The following SLC30A8 variants were observed in gnomAD, a reference collection of about 807,000 sequenced individuals.
The protein encoded by SLC30A8 is solute carrier family 30 member 8.
Under a neutral mutation model 36.9 loss-of-function variants are expected in SLC30A8, and 27 were observed. The observed-to-expected ratio is 0.73, with a 90% CI of 0.54 to 1.01. The LOEUF (loss-of-function observed/expected upper bound fraction) is 1.01. Among genes scored for constraint, SLC30A8 ranks in the 50% least tolerant of loss-of-function variants. The probability of loss-of-function intolerance (pLI) is 0.00; values close to 1 mark genes in which losing one functional copy is unlikely to be tolerated. For synonymous variants in SLC30A8, 164 were observed against 172.4 expected, an observed-to-expected ratio of 0.95 and a Z score of 0.38; for missense variants, 439 against 452.0, an observed-to-expected ratio of 0.97 and a Z score of 0.26.
intron 1 of SLC30A8, among the ~76,000 whole-genome samples, chr8:116,980,922 T>G (rs1313365770): frequency 6.6e-6 from 1 of 152,238 alleles, no homozygotes; most frequent in African/African-American, 2.4e-5. Flanking sequence ...ACAAATTTAT[T>G]TAATGAATGG....
intron 2 of SLC30A8, among the ~76,000 whole-genome samples, chr8:117,106,921 A>G (rs1820019464): frequency 6.6e-6 from 1 of 152,156 alleles, no homozygotes; most frequent in Non-Finnish European, 1.5e-5. Context: ...GCTTTATTGG[A>G]GAAGGAAAAC....
intron 2 of SLC30A8, among the ~76,000 whole-genome samples, chr8:117,092,800 C>T (rs1819188461): frequency 6.6e-6 from 1 of 152,168 alleles, no homozygotes; most frequent in African/African-American, 2.4e-5. Flanking sequence ...GCTGCCTGAG[C>T]AAAACTCCAT....
chr8:116,962,487 C>T (rs934843033), intron 1 of SLC30A8, among the ~76,000 whole-genome samples: 2 of 151,968 alleles, frequency 1.3e-5, no homozygotes, highest in African/African-American at 4.8e-5. Flanking sequence ...CTCCTCAATC[C>T]GTCCCCAAAC....
At chr8:116,985,330 ACAC>A (rs1010601129) in intron 1 of SLC30A8, among the ~76,000 whole-genome samples, 2 of 142,882 alleles carry the variant, frequency 1.4e-5, no homozygotes, top group African/African-American at 2.6e-5. Context: ...ACACACACAC[ACAC>A]AAGTATGTAT....
chr8:116,971,245 G>A (rs1424232084), intron 1 of SLC30A8, among the ~76,000 whole-genome samples: 3 of 151,938 alleles, frequency 2.0e-5, no homozygotes, highest in Non-Finnish European at 4.4e-5. Flanking sequence ...TACATATCCT[G>A]CACATGCATC....
intron 1 of SLC30A8, chr8:117,018,228 A>C (rs1317535122): frequency 1.3e-5 from 2 of 152,024 alleles, no homozygotes; most frequent in Non-Finnish European, 2.9e-5. Flanking sequence ...AGCCTCAGCA[A>C]CGTAGTGAGA....
rs550796778 is a variant in SLC30A8 at position 117,113,356 on chromosome 8, C to T, written c.-225-21924C>T. 2.0e-5 allele frequency among the ~76,000 whole-genome samples: 3 copies of T among 152,208 alleles called. No individual in the cohort carries two copies. The South Asian group carries it at 6.2e-4, about 32-fold the overall frequency. ...AATGGAATGGAAGCAAGTCATTTTTCCATGTTATGACTCAATGTATTATCT... is the reference window on the plus strand; with the variant it reads ...AATGGAATGGAAGCAAGTCATTTTTTCATGTTATGACTCAATGTATTATCT... On this transcript the variant is annotated intron_variant, in intron 2 of 10. Transcript: ENST00000427715.
chr8:116,983,898 G>A (rs190809285), intron 1 of SLC30A8, among the ~76,000 whole-genome samples: 82 of 152,204 alleles, frequency 5.4e-4, no homozygotes, highest in Admixed American at 2.4e-3. Context: ...TTTTTATCGT[G>A]TGTAGATTAA....
chr8:117,106,182 T>C (rs2130868713), intron 2 of SLC30A8, among the ~76,000 whole-genome samples: 1 of 152,298 alleles, frequency 6.6e-6, no homozygotes, highest in East Asian at 1.9e-4. Flanking sequence ...TAATCTGTAC[T>C]ACTTAATAGT....
chr8:117,169,361 GT>G, intron 6 of SLC30A8, among the ~76,000 whole-genome samples: 1 of 152,238 alleles, frequency 6.6e-6, no homozygotes, highest in South Asian at 2.1e-4. Context: ...CCTGCTCAAG[GT>G]CATTGCCAAG....
chr8:117,122,752 T>C (rs561238041), intron 2 of SLC30A8, among the ~76,000 whole-genome samples: 1 of 152,116 alleles, frequency 6.6e-6, no homozygotes, highest in South Asian at 2.1e-4. Flanking sequence ...TCTAAGTCTC[T>C]TTTCTGGCAA....
intron 1 of SLC30A8, among the ~76,000 whole-genome samples, chr8:117,032,114 C>T (rs1344474979): frequency 2.0e-5 from 3 of 152,130 alleles, no homozygotes; most frequent in East Asian, 1.9e-4. Flanking sequence ...CACATTCCTA[C>T]GCATGCTTTG....
chr8:117,066,563 C>T (rs1198053249), intron 2 of SLC30A8, among the ~76,000 whole-genome samples: 1 of 152,134 alleles, frequency 6.6e-6, no homozygotes, highest in African/African-American at 2.4e-5. Context: ...GGAGTTTACT[C>T]CTACTGGCTT....
intron 1 of SLC30A8, among the ~76,000 whole-genome samples, chr8:116,984,611 G>A (rs1342217714): frequency 2.0e-5 from 3 of 152,020 alleles, no homozygotes; most frequent in Admixed American, 2.0e-4. Context: ...TAAAATGTCT[G>A]TTCATATATT....
rs191189283 is a variant in SLC30A8 at position 117,116,452 on chromosome 8, A to G, written c.-225-18828A>G. Among the ~76,000 whole-genome samples, 9 of 152,164 alleles carry G rather than the reference A, an allele frequency of 5.9e-5. No homozygotes were observed. In the East Asian group the frequency reaches 1.7e-3, roughly 30 times the overall value. Reference sequence around the variant, plus strand: ...GGCATATTGTGTGACTCCTGTTCATAAGGCAACGGCTCAGATGAAATGCAA... The same window carrying G: ...GGCATATTGTGTGACTCCTGTTCATGAGGCAACGGCTCAGATGAAATGCAA... On this transcript the variant is annotated intron_variant, in intron 2 of 10. Coordinates refer to the SLC30A8 transcript ENST00000427715.
intron 1 of SLC30A8, among the ~76,000 whole-genome samples, chr8:117,002,275 G>C (rs1816034348): frequency 6.6e-6 from 1 of 152,160 alleles, no homozygotes; most frequent in South Asian, 2.1e-4. Context: ...ATTGCCAAGA[G>C]CAAGAGAGAT....
intron 2 of SLC30A8, among the ~76,000 whole-genome samples, chr8:117,041,173 G>T (rs973728709): frequency 6.6e-6 from 1 of 152,100 alleles, no homozygotes; most frequent in Non-Finnish European, 1.5e-5. Context: ...AACACACAAT[G>T]AATCCACAGA....
In SLC30A8 at chr8:117,173,590, AAG is replaced by A. The variant is rs1823507909; in HGVS notation, c.*912_*913del. ...CATTGGGCTTAGCATTGAAACTATA[AAG>A]AGGAATCAGACGCAGCAAGTGCTTC... On this transcript the variant is annotated 3_prime_UTR_variant, in exon 8 of 8. Transcript: ENST00000456015. The A allele has an allele frequency of 6.6e-6, 1 of 152,164 alleles. No individual in the cohort carries two copies. Among genetic ancestry groups the A allele is most frequent in the Non-Finnish European group, 1.5e-5 (1 of 68,028 alleles). The allele number at this position is 152,164 out of a possible 1,614,324, so 9.4% of individuals were successfully genotyped here. A position where few individuals can be genotyped will look rare whatever the true frequency, so the allele number is the denominator to read the frequency against.
chr8:117,137,897 A>G (rs1821435096), intron 1 of SLC30A8, among the ~76,000 whole-genome samples: 1 of 151,812 alleles, frequency 6.6e-6, no homozygotes, highest in South Asian at 2.1e-4. Flanking sequence ...GCATGTGCAT[A>G]TTGGATGACA....
Sources: gnomAD v4.1 joint callset for allele counts (sites outside exome capture counted in the v4.1 genomes callset) on GRCh38, gnomAD v4.1.1 for gene constraint, MANE v1.5 for transcripts, NCBI Gene and HGNC (gene_info 2026-07-23, HGNC 2026-07-21) for gene names.